CTXND1: variants seen among roughly 807,000 people sequenced by gnomAD.
CTXND1 encodes the protein cortexin domain containing 1.
At chr15:80,218,487 G>A (rs1024515713) in intron 1 of CTXND1, among the ~76,000 whole-genome samples, 2 of 151,936 alleles carry the variant, frequency 1.3e-5, no homozygotes, top group African/African-American at 4.8e-5. Context: ...GTTTTCTCTT[G>A]GTTAGGCTTT....
At chr15:80,204,199 T>TATAC (rs1267164168) in intron 1 of CTXND1, among the ~76,000 whole-genome samples, 76 of 26,754 alleles carry the variant, frequency 2.8e-3, no homozygotes, top group African/African-American at 9.7e-3. Flanking sequence ...TATATATATA[T>TATAC]ACACAAACAC....
chr15:80,245,116 T>A (rs962995782), intron 1 of CTXND1, among the ~76,000 whole-genome samples: 1 of 152,024 alleles, frequency 6.6e-6, no homozygotes, highest in African/African-American at 2.4e-5. Flanking sequence ...CTGAGGACAG[T>A]ATTACACAGA....
chr15:80,204,667 A>ATATATATC (rs1893128824), intron 1 of CTXND1, among the ~76,000 whole-genome samples: 1 of 146,708 alleles, frequency 6.8e-6, no homozygotes, highest in African/African-American at 2.6e-5. Context: ...ATATATATAT[A>ATATATATC]TATATACCAC....
At chr15:80,229,550 C>A (rs1166066869) in intron 1 of CTXND1, among the ~76,000 whole-genome samples, 1 of 152,166 alleles carries the variant, frequency 6.6e-6, no homozygotes, top group Non-Finnish European at 1.5e-5. Context: ...CAAATTCACG[C>A]CCTGGCCACC....
chr15:80,207,041 G>A, intron 1 of CTXND1, among the ~76,000 whole-genome samples: 1 of 152,312 alleles, frequency 6.6e-6, no homozygotes, highest in South Asian at 2.1e-4. Context: ...CTGCCTTAAA[G>A]ATTTTCTCCT....
At chr15:80,218,224 C>T (rs188530672) in intron 1 of CTXND1, among the ~76,000 whole-genome samples, 1 of 152,284 alleles carries the variant, frequency 6.6e-6, no homozygotes, top group East Asian at 1.9e-4. Context: ...CAGCCTGGAA[C>T]TCCTGGGCTC....
intron 1 of CTXND1, among the ~76,000 whole-genome samples, chr15:80,221,223 A>C (rs966327922): frequency 6.6e-6 from 1 of 152,034 alleles, no homozygotes; most frequent in South Asian, 2.1e-4. Flanking sequence ...TTATTAATTT[A>C]TTTGTTAGAA....
chr15:80,206,915 T>C (rs1202971810), intron 1 of CTXND1, among the ~76,000 whole-genome samples: 1 of 152,246 alleles, frequency 6.6e-6, no homozygotes, highest in Non-Finnish European at 1.5e-5. Context: ...GAAGTTTTTC[T>C]ATCATCTCTT....
intron 1 of CTXND1, among the ~76,000 whole-genome samples, chr15:80,229,768 G>A (rs1051985122): frequency 1.1e-4 from 17 of 152,210 alleles, no homozygotes; most frequent in Admixed American, 5.9e-4. Context: ...TCCTGGTATA[G>A]CGTGCTTTGG....
intron 1 of CTXND1, among the ~76,000 whole-genome samples, chr15:80,246,903 G>A (rs1893637516): frequency 6.6e-6 from 1 of 152,208 alleles, no homozygotes. Context: ...GACACTGAAA[G>A]GTTTGTCCTC....
chr15:80,238,461 G>C (rs530565235), intron 1 of CTXND1, among the ~76,000 whole-genome samples: 2 of 151,896 alleles, frequency 1.3e-5, no homozygotes, highest in East Asian at 3.9e-4. Flanking sequence ...AAGAAGCAGC[G>C]GGCAGACTTT....
chr15:80,249,537 C>T (rs1374528210), intron 1 of CTXND1, among the ~76,000 whole-genome samples: 1 of 152,178 alleles, frequency 6.6e-6, no homozygotes, highest in Non-Finnish European at 1.5e-5. Flanking sequence ...TTAGTATATA[C>T]TAAGGGCTTA....
At chr15:80,221,065 C>T (rs1472242875) in intron 1 of CTXND1, among the ~76,000 whole-genome samples, 3 of 151,888 alleles carry the variant, frequency 2.0e-5, no homozygotes, top group Admixed American at 2.0e-4. Flanking sequence ...CCCGCCACCA[C>T]GCTCGACTAA....
At chr15:80,212,104 G>A (rs74027271) in intron 1 of CTXND1, among the ~76,000 whole-genome samples, 2,059 of 152,280 alleles carry the variant, frequency 0.014, 32 homozygotes, top group African/African-American at 0.035. Context: ...CTAGTCCTGA[G>A]GGAGGAAAAA....
rs941879350 is a variant in CTXND1, at chr15:80,246,401, T to C, written c.-218+5606A>G. On this transcript the variant is annotated intron_variant, in intron 1 of 2. Coordinates refer to ENST00000560778, the MANE Select transcript of CTXND1 (RefSeq NM_001352888.2). ...CCTCAGATCTGGGCTTTGCTGTTTA[T>C]CCGTTTGTGATTTTTCCTGGGTTGG... 3.9e-5 allele frequency among the ~76,000 whole-genome samples: 6 copies of C among 152,218 alleles called. 1 individual carries two copies. In the East Asian group the frequency reaches 7.7e-4, roughly 20 times the overall value.
rs1181355723 is a variant in CTXND1, at chr15:80,204,185, T to TACAC, written c.-217-446_-217-445insGTGT. On this transcript the variant is annotated intron_variant, in intron 1 of 2. Transcript: ENST00000560778. ...AAAAAAAAAAATATATATATATATA[T>TACAC]ATATATATATATATACACAAACACA... Among the ~76,000 whole-genome samples, 14 of 46,322 alleles carry TACAC rather than the reference T, an allele frequency of 3.0e-4. 1 individual carries two copies. Among genetic ancestry groups the TACAC allele is most frequent in the African/African-American group, 1.3e-3 (13 of 10,078 alleles). 30.4% of individuals were successfully genotyped at this position (46,322 alleles called of 152,430 possible).
At position 80,196,594 on chromosome 15, in the gene CTXND1, G is replaced by T. The variant is rs1359819602; in HGVS notation, c.*5176C>A. 1.3e-5 allele frequency: 2 copies of T among 152,240 alleles called. No homozygotes were observed. The highest frequency in any genetic ancestry group is 2.9e-5 in the Non-Finnish European group (2 of 68,050). 9.4% of individuals were successfully genotyped at this position (152,240 alleles called of 1,614,324 possible). ...TTGCAGGAGGGAGTGGGACTAAATT[G>T]CTATCACCCCCAGACAATATGGCTG... is the stretch of plus-strand genomic sequence containing the variant. On this transcript the variant is annotated 3_prime_UTR_variant, in exon 3 of 3. Coordinates refer to ENST00000560778, the MANE Select transcript of CTXND1 (RefSeq NM_001352888.2).
At chr15:80,208,053 G>A (rs1893168585) in intron 1 of CTXND1, among the ~76,000 whole-genome samples, 1 of 152,236 alleles carries the variant, frequency 6.6e-6, no homozygotes, top group South Asian at 2.1e-4. Context: ...TCACAACTAT[G>A]AGGCCAGGCT....
intron 1 of CTXND1, among the ~76,000 whole-genome samples, chr15:80,245,915 T>G (rs772054191): frequency 4.6e-5 from 7 of 152,148 alleles, no homozygotes; most frequent in Non-Finnish European, 8.8e-5. Flanking sequence ...TAGGTGTCAT[T>G]CTCACAGATT....
Sources: allele counts gnomAD v4.1 joint callset (sites outside exome capture counted in the v4.1 genomes callset), GRCh38; gene constraint gnomAD v4.1.1; transcripts MANE v1.5; gene names NCBI Gene and HGNC (gene_info 2026-07-23, HGNC 2026-07-21).